Variants in URB1 observed in about 807,000 individuals in gnomAD.
The protein encoded by URB1 is URB1 ribosome biogenesis factor, also known as nucleolar pre-ribosomal-associated protein 1.
A neutral mutation model predicts 242.3 loss-of-function variants in URB1; 197 were observed. The ratio of observed to expected loss-of-function variants is 0.81; its 90% confidence interval spans 0.72 to 0.91. URB1 has a LOEUF of 0.91. URB1 is among the 40% of genes least tolerant of loss of function. The probability of loss-of-function intolerance (pLI) is 0.00; values close to 1 mark genes in which losing one functional copy is unlikely to be tolerated. For synonymous variants in URB1, 1,153 were observed against 1,201.8 expected (o/e 0.96, Z 0.84); for missense variants, 2,721 against 2,860.5 (o/e 0.95, Z 1.11).
At position 32,347,513 on chromosome 21, in the gene URB1, T is replaced by C. The variant is rs936937833; in HGVS notation, c.3311A>G (p.Gln1104Arg). ...ATGCAGCTCCTGCAGGGCCTCCAGC[T>C]GCGGCGGGGTCTTTGGTGGTGATGT... ...PATSPPKTPP[Q>R]LEALQELHPY... Residue 1104 changes from glutamine to arginine, a missense_variant, in exon 22 of 39, where the codon CAG becomes CGG. By Grantham distance (43) the Gln-to-Arg change is conservative. Coordinates refer to ENST00000382751, the MANE Select transcript of URB1 (RefSeq NM_014825.3). The C allele has an allele frequency of 1.3e-6, 2 of 1,551,258 alleles. No homozygotes were observed. Among genetic ancestry groups the C allele is most frequent in the African/African-American group, 2.7e-5 (2 of 73,062 alleles).
intron 10 of URB1, among the ~76,000 whole-genome samples, chr21:32,366,293 G>C (rs2033345559): frequency 6.6e-6 from 1 of 152,162 alleles, no homozygotes; most frequent in African/African-American, 2.4e-5. Flanking sequence ...TCTTTCTTCT[G>C]ATTTAGACAT....
At chr21:32,384,854 G>A (rs940092249) in intron 2 of URB1, among the ~76,000 whole-genome samples, 3 of 152,162 alleles carry the variant, frequency 2.0e-5, no homozygotes, top group South Asian at 4.1e-4. Context: ...GGTGGCGGGC[G>A]CCTGTAGTCC....
In URB1 at chr21:32,344,766, G is replaced by A. The variant is rs1201671845; in HGVS notation, c.4071-10C>T. ...GTCGGCCACGATCCACCTGCAGCAGGAGATGAGAGTCAGAGACAGAGAGCA... is the reference window on the plus strand; with the variant it reads ...GTCGGCCACGATCCACCTGCAGCAGAAGATGAGAGTCAGAGACAGAGAGCA... On this transcript the variant is annotated splice_polypyrimidine_tract_variant and intron_variant, in intron 23 of 38. Transcript: ENST00000382751. The A allele has an allele frequency of 1.9e-6, 3 of 1,548,686 alleles. No individual in the cohort carries two copies. The highest frequency in any genetic ancestry group is 2.0e-5 in the Admixed American group (1 of 50,660).
chr21:32,347,035 CCCCTGGAGGCCGAG>C lies in URB1; in HGVS notation c.3775_3788del (p.Leu1259GlyfsTer49). ...TGAGGGGAAGGAAGTCGTCCAGGTC[CCCCTGGAGGCCGAG>C]CCCTGGGCCAGCCTGCAGGCACCAC... On this transcript the variant is annotated frameshift_variant, in exon 22 of 39. Coordinates refer to ENST00000382751, the MANE Select transcript of URB1 (RefSeq NM_014825.3). LOFTEE classifies it high-confidence loss of function. 1 of 1,549,644 alleles carries C rather than the reference CCCCTGGAGGCCGAG, an allele frequency of 6.5e-7. No individual in the cohort carries two copies. The highest frequency in any genetic ancestry group is 8.7e-7 in the Non-Finnish European group (1 of 1,145,762).
intron 18 of URB1, among the ~76,000 whole-genome samples, chr21:32,353,692 C>T (rs1484965136): frequency 6.6e-6 from 1 of 152,212 alleles, no homozygotes. Context: ...GGCAGCCAGG[C>T]AAACACATTA....
At chr21:32,323,009 G>A (rs997609000) in intron 32 of URB1, among the ~76,000 whole-genome samples, 1 of 152,174 alleles carries the variant, frequency 6.6e-6, no homozygotes, top group Non-Finnish European at 1.5e-5. Flanking sequence ...AGACACTACT[G>A]AGTGCCTCTG....
intron 5 of URB1, among the ~76,000 whole-genome samples, 198 bp from the exon 6 acceptor site, chr21:32,375,681 A>G (rs1216606796): frequency 1.3e-5 from 2 of 152,084 alleles, no homozygotes; most frequent in African/African-American, 4.8e-5. Flanking sequence ...AGAGTGGCTC[A>G]TGCCTGTAAG....
chr21:32,344,419 G>A, intron 24 of URB1, 151 bp downstream of exon 24: 1 of 786,926 alleles, frequency 1.3e-6, no homozygotes, highest in Non-Finnish European at 2.0e-6. Context: ...GGGTTATCCA[G>A]TATCTGCCAC....
intron 23 of URB1, 136 bp downstream of exon 23, chr21:32,345,238 G>A: frequency 1.0e-6 from 1 of 965,636 alleles, no homozygotes; most frequent in Non-Finnish European, 1.5e-6. Flanking sequence ...GCTGGAAGTA[G>A]AGTTCTCATA....
At chr21:32,326,217 GAATT>G (rs1486924803) in intron 30 of URB1, among the ~76,000 whole-genome samples, 5 of 152,086 alleles carry the variant, frequency 3.3e-5, no homozygotes, top group Admixed American at 6.5e-5. Flanking sequence ...CTTAGAATAG[GAATT>G]AATTATTAAT....
chr21:32,321,711 A>G, intron 34 of URB1, 90 bp downstream of exon 34: 1 of 1,512,150 alleles, frequency 6.6e-7, no homozygotes, highest in Non-Finnish European at 8.9e-7. Flanking sequence ...CAGGCTGGGA[A>G]CTGAATTCAT....
intron 36 of URB1, among the ~76,000 whole-genome samples, chr21:32,318,495 G>T (rs1352251627): frequency 6.6e-6 from 1 of 152,236 alleles, no homozygotes; most frequent in Non-Finnish European, 1.5e-5. Flanking sequence ...AGGAAAGGTT[G>T]ACTATCCAGC....
At chr21:32,331,610 C>T (rs868708873) in intron 30 of URB1, among the ~76,000 whole-genome samples, 7 of 152,154 alleles carry the variant, frequency 4.6e-5, no homozygotes, top group Non-Finnish European at 1.0e-4. Context: ...CTGGAAACAT[C>T]GACAGGCTCT....
At chr21:32,317,641 G>C in intron 37 of URB1, 35 bp downstream of exon 37, 1 of 1,546,202 alleles carries the variant, frequency 6.5e-7, no homozygotes, top group Non-Finnish European at 8.7e-7. Context: ...AGACATGTTG[G>C]CTACTCTGGG....
At position 32,321,863 on chromosome 21, in the gene URB1, G is replaced by A. The variant is rs986063421; in HGVS notation, c.5422C>T (p.Arg1808Cys). ...GACAGGATGATGTGGAAGATGCCACGCCGGGCACACAGTTCGTAGCACTGC... is the reference window on the plus strand; with the variant it reads ...GACAGGATGATGTGGAAGATGCCACACCGGGCACACAGTTCGTAGCACTGC... ...DKQCYELCARRGIFHIILSFF... is the reference protein window; with the variant it reads ...DKQCYELCARCGIFHIILSFF... The change falls in exon 34 of 39, where the codon CGT becomes TGT. Residue 1808 changes from arginine (R) to cysteine (C), a missense_variant. By Grantham distance (180) the Arg-to-Cys change is radical. Transcript: ENST00000382751. 20 of 1,551,602 alleles carry A rather than the reference G, an allele frequency of 1.3e-5. No individual in the cohort carries two copies. The highest frequency in any genetic ancestry group is 8.2e-5 in the African/African-American group (6 of 73,054).
At chr21:32,376,603 A>G (rs991071395) in intron 5 of URB1, among the ~76,000 whole-genome samples, 10 of 152,132 alleles carry the variant, frequency 6.6e-5, no homozygotes, top group Non-Finnish European at 1.3e-4. Context: ...ACCCAATCAT[A>G]TATCACTAAA....
chr21:32,341,409 T>A, intron 25 of URB1, 57 bp downstream of exon 25: 1 of 1,510,870 alleles, frequency 6.6e-7, no homozygotes, highest in Non-Finnish European at 9.0e-7. Context: ...AGGCTTTGCA[T>A]GCTGAACGAC....
At chr21:32,372,104 T>G (rs1426439541) in intron 8 of URB1, among the ~76,000 whole-genome samples, 3 of 152,198 alleles carry the variant, frequency 2.0e-5, no homozygotes, top group African/African-American at 7.2e-5. Context: ...TGTCTCGACC[T>G]CTCTAGAACT....
chr21:32,333,675 C>T (rs1296182237), intron 29 of URB1, among the ~76,000 whole-genome samples: 2 of 152,156 alleles, frequency 1.3e-5, no homozygotes, highest in Non-Finnish European at 2.9e-5. Context: ...GAAAGAAAGT[C>T]TCTGTACACT....
Sources: allele counts gnomAD v4.1 joint callset (sites outside exome capture counted in the v4.1 genomes callset), GRCh38; gene constraint gnomAD v4.1.1; transcripts MANE v1.5; gene names NCBI Gene and HGNC (gene_info 2026-07-23, HGNC 2026-07-21).